LIPK: variants seen among roughly 807,000 people sequenced by gnomAD.
LIPK encodes lipase member K.
In LIPK, 32 loss-of-function variants were observed where a neutral mutation model predicts 48.6. The observed-to-expected ratio is 0.66, with a 90% CI of 0.50 to 0.88. The LOEUF (loss-of-function observed/expected upper bound fraction) is 0.88, where lower values mean the gene tolerates loss of function less well. Ranked by LOEUF, LIPK falls within the 40% of genes least tolerant of loss-of-function variation. LIPK has a pLI of 0.00. For missense variants in LIPK, 507 were observed against 478.5 expected (o/e 1.06, Z -0.56); for synonymous variants, 164 against 157.4 (o/e 1.04, Z -0.32).
At chr10:88,714,592 CTT>C (rs1289646711) in intron 1 of LIPK, among the ~76,000 whole-genome samples, 2 of 152,036 alleles carry the variant, frequency 1.3e-5, no homozygotes, top group African/African-American at 4.8e-5. Flanking sequence ...TAGAAATGTT[CTT>C]TTTCTTCTGG....
chr10:88,731,111 A>G lies in LIPK; in HGVS notation c.352A>G (p.Ser118Gly). 6.2e-7 allele frequency: 1 copy of G among 1,606,532 alleles called. No individual in the cohort carries two copies. The highest frequency in any genetic ancestry group is 8.5e-7 in the Non-Finnish European group (1 of 1,176,870). ...TGGTTATGACGTGTGGTTGGGGAAC[A>G]GCCGAGGAAACACTTGGTCCAGAAA... ...DSGYDVWLGN[S>G]RGNTWSRKHL... The change falls in exon 4 of 10, where the codon AGC (serine) becomes GGC (glycine). Residue 118 changes from serine to glycine, a missense_variant. Transcript: ENST00000404190.
At chr10:88,750,940 TG>T (rs1842852730) in intron 9 of LIPK, among the ~76,000 whole-genome samples, 1 of 152,158 alleles carries the variant, frequency 6.6e-6, no homozygotes, top group South Asian at 2.1e-4. Flanking sequence ...AAAACATGTT[TG>T]TTTTTAAAGT....
chr10:88,726,842 T>TA lies in LIPK; in HGVS notation c.154dup (p.Thr52AsnfsTer12), dbSNP rs756996008. 1.2e-6 allele frequency: 2 copies of TA among 1,608,900 alleles called. No homozygotes were observed. The highest frequency in any genetic ancestry group is 1.1e-5 in the South Asian group (1 of 90,348). ...GTTATCCTTATGAAGAGTATGATGTTACAACAAAAGATGGTTATATCCTTG... is the reference window on the plus strand; with the variant it reads ...GTTATCCTTATGAAGAGTATGATGTTAACAACAAAAGATGGTTATATCCTTG... On this transcript the variant is annotated frameshift_variant, in exon 3 of 10. Transcript: ENST00000404190. LOFTEE classifies it high-confidence loss of function.
chr10:88,751,552 T>C (rs535983361), intron 9 of LIPK, among the ~76,000 whole-genome samples: 14 of 152,262 alleles, frequency 9.2e-5, no homozygotes, highest in African/African-American at 3.1e-4. Flanking sequence ...GAATTTTTAA[T>C]GTCATCATAA....
At chr10:88,742,950 C>T (rs427541) in intron 8 of LIPK, among the ~76,000 whole-genome samples, 33,474 of 151,878 alleles carry the variant, frequency 0.22, 3,862 homozygotes, top group East Asian at 0.37. Flanking sequence ...CATTCAATTC[C>T]GCATCTTTAA....
At chr10:88,735,639 C>A (rs1297601057) in intron 6 of LIPK, among the ~76,000 whole-genome samples, 1 of 152,232 alleles carries the variant, frequency 6.6e-6, no homozygotes, top group South Asian at 2.1e-4. Context: ...AGCCATATGC[C>A]CTGGCATGGG....
chr10:88,722,273 C>A (rs1253118456), intron 1 of LIPK, among the ~76,000 whole-genome samples: 3 of 152,048 alleles, frequency 2.0e-5, no homozygotes. Context: ...CCAGCCTGGG[C>A]AACAAGAGCA....
chr10:88,715,356 T>A (rs1842096665), intron 1 of LIPK, among the ~76,000 whole-genome samples: 1 of 152,176 alleles, frequency 6.6e-6, no homozygotes, highest in Non-Finnish European at 1.5e-5. Context: ...TCCTGATGAA[T>A]TGACTTTTGT....
At position 88,732,304 on chromosome 10, in the gene LIPK, T is replaced by A. The variant is rs372879864; in HGVS notation, c.532+17T>A. 1.9e-6 allele frequency: 3 copies of A among 1,606,254 alleles called. No homozygotes were observed. Among genetic ancestry groups the A allele is most frequent in the African/African-American group, 2.7e-5 (2 of 74,530 alleles). On this transcript the variant is annotated intron_variant, in intron 5 of 9. Coordinates refer to ENST00000404190, the MANE Select transcript of LIPK (RefSeq NM_001080518.2). Reference sequence around the variant, plus strand: ...CCACCATAGGTGTGTTTGGGGCAGATGTGATCAGAGAATGTCAGGGGCTCT... The same window carrying A: ...CCACCATAGGTGTGTTTGGGGCAGAAGTGATCAGAGAATGTCAGGGGCTCT...
chr10:88,707,558 C>T (rs1269820597), intron 1 of LIPK, among the ~76,000 whole-genome samples: 1 of 151,940 alleles, frequency 6.6e-6, no homozygotes, highest in South Asian at 2.1e-4. Context: ...TTTTTTCTGC[C>T]TTGGCATTTT....
chr10:88,748,241 A>G (rs188237503), intron 9 of LIPK, among the ~76,000 whole-genome samples: 10 of 152,282 alleles, frequency 6.6e-5, no homozygotes, highest in South Asian at 2.1e-4. Flanking sequence ...AGAGAGGGGA[A>G]CAACACACAG....
chr10:88,748,689 T>C (rs900542631), intron 9 of LIPK, among the ~76,000 whole-genome samples: 1 of 151,650 alleles, frequency 6.6e-6, no homozygotes, highest in East Asian at 1.9e-4. Context: ...AACATAATAC[T>C]GAATAGGCAA....
At chr10:88,737,501 C>T (rs1246402563) in intron 6 of LIPK, 134 bp from the exon 7 acceptor site, 23 of 840,984 alleles carry the variant, frequency 2.7e-5, no homozygotes, top group Middle Eastern at 3.0e-4. Flanking sequence ...TAATAACAAG[C>T]CTCATGATTT....
At chr10:88,719,925 T>C (rs1184109593) in intron 1 of LIPK, among the ~76,000 whole-genome samples, 1 of 152,222 alleles carries the variant, frequency 6.6e-6, no homozygotes, top group African/African-American at 2.4e-5. Flanking sequence ...GCATTACTTA[T>C]GAGAGCTGCC....
chr10:88,716,488 G>C (rs1178593887), intron 1 of LIPK, among the ~76,000 whole-genome samples: 2 of 148,020 alleles, frequency 1.4e-5, no homozygotes, highest in African/African-American at 5.0e-5. Flanking sequence ...CTCCCGAGTA[G>C]CTGGGACTAC....
intron 1 of LIPK, among the ~76,000 whole-genome samples, chr10:88,707,280 T>G (rs1200507732): frequency 6.6e-6 from 1 of 152,102 alleles, no homozygotes; most frequent in Non-Finnish European, 1.5e-5. Context: ...AATAACAATA[T>G]GAAGTTAAAG....
intron 1 of LIPK, among the ~76,000 whole-genome samples, chr10:88,716,722 T>C (rs1388605203): frequency 6.6e-6 from 1 of 151,902 alleles, no homozygotes; most frequent in East Asian, 1.9e-4. Flanking sequence ...GGAATTGAAA[T>C]AAAAGAGGAA....
intron 1 of LIPK, among the ~76,000 whole-genome samples, chr10:88,709,965 TG>T (rs933488776): frequency 2.6e-5 from 4 of 152,132 alleles, no homozygotes; most frequent in African/African-American, 9.7e-5. Flanking sequence ...AAACTAGGTA[TG>T]TGCCTATGTA....
intron 8 of LIPK, among the ~76,000 whole-genome samples, chr10:88,740,830 G>T (rs903275446): frequency 6.6e-6 from 1 of 151,970 alleles, no homozygotes; most frequent in African/African-American, 2.4e-5. Flanking sequence ...CCAGGAATTT[G>T]CATTTTAATA....
Sources: gnomAD v4.1 joint callset for allele counts (sites outside exome capture counted in the v4.1 genomes callset) on GRCh38, gnomAD v4.1.1 for gene constraint, MANE v1.5 for transcripts, NCBI Gene and HGNC (gene_info 2026-07-23, HGNC 2026-07-21) for gene names.